MAST2: variants seen among roughly 807,000 people sequenced by gnomAD.
The protein encoded by MAST2 is microtubule associated serine/threonine kinase 2, also known as microtubule-associated serine/threonine-protein kinase 2.
A neutral mutation model predicts 147.4 loss-of-function variants in MAST2; 70 were observed. That is an observed-to-expected ratio of 0.47 (90% CI 0.39 to 0.58). The LOEUF (loss-of-function observed/expected upper bound fraction) is 0.58. Ranked by LOEUF, MAST2 falls within the 20% of genes least tolerant of loss-of-function variation. The probability of loss-of-function intolerance (pLI) is 0.00; values close to 1 mark genes in which losing one functional copy is unlikely to be tolerated. For missense variants in MAST2, 2,080 were observed against 2,302.3 expected, an observed-to-expected ratio of 0.90 and a Z score of 1.98; for synonymous variants, 869 against 896.8, an observed-to-expected ratio of 0.97 and a Z score of 0.55.
chr1:45,987,551 A>G (rs184920052), intron 5 of MAST2, among the ~76,000 whole-genome samples: 149 of 152,120 alleles, frequency 9.8e-4, no homozygotes, highest in Middle Eastern at 3.4e-3. Flanking sequence ...GATTCGAGCA[A>G]TCCTCTTGCC....
At chr1:45,929,045 G>T (rs1654862484) in intron 4 of MAST2, among the ~76,000 whole-genome samples, 1 of 152,124 alleles carries the variant, frequency 6.6e-6, no homozygotes, top group African/African-American at 2.4e-5. Context: ...AGTTGGTTCA[G>T]TGTATATCTG....
chr1:45,959,625 T>A (rs1660122085), intron 5 of MAST2, 148 bp downstream of exon 5: 1 of 652,842 alleles, frequency 1.5e-6, no homozygotes. Flanking sequence ...GGGCTTGCTT[T>A]CTGTACGAGA....
intron 4 of MAST2, among the ~76,000 whole-genome samples, chr1:45,954,896 T>TC (rs1393515236): frequency 2.6e-4 from 39 of 152,246 alleles, no homozygotes; most frequent in Non-Finnish European, 1.5e-5. Flanking sequence ...GAATTAATTA[T>TC]CCGTCCCTGA....
chr1:45,904,980 T>A (rs1251889210), intron 4 of MAST2, among the ~76,000 whole-genome samples: 1 of 151,754 alleles, frequency 6.6e-6, no homozygotes, highest in Non-Finnish European at 1.5e-5. Flanking sequence ...GCTAATTTTT[T>A]TTAACTTTAT....
intron 5 of MAST2, among the ~76,000 whole-genome samples, chr1:45,965,798 CCCCTG>C (rs1661107977): frequency 6.6e-6 from 1 of 151,768 alleles, no homozygotes; most frequent in African/African-American, 2.4e-5. Context: ...AACCATATAC[CCCCTG>C]CCCTCACCTA....
chr1:45,989,637 T>A (rs1644782967), intron 5 of MAST2, among the ~76,000 whole-genome samples: 1 of 152,192 alleles, frequency 6.6e-6, no homozygotes, highest in Non-Finnish European at 1.5e-5. Flanking sequence ...GGTTATAAAG[T>A]TCTGTATGTT....
At chr1:46,019,541 G>GT in intron 10 of MAST2, 55 bp from the exon 11 acceptor site, 1 of 1,452,690 alleles carries the variant, frequency 6.9e-7, no homozygotes, top group Non-Finnish European at 9.7e-7. Flanking sequence ...GTCTGGTCCT[G>GT]CTTAGCCCAG....
intron 4 of MAST2, among the ~76,000 whole-genome samples, chr1:45,886,184 G>A (rs534979801): frequency 6.7e-6 from 1 of 150,244 alleles, no homozygotes; most frequent in Admixed American, 6.7e-5. Flanking sequence ...ACAGGAGTCT[G>A]GAATGAGTGA....
intron 4 of MAST2, among the ~76,000 whole-genome samples, chr1:45,894,755 T>TA (rs1349005875): frequency 6.6e-6 from 1 of 152,172 alleles, no homozygotes; most frequent in Non-Finnish European, 1.5e-5. Flanking sequence ...GGAACAGACT[T>TA]ATGCTTTACT....
At chr1:45,831,153 A>G (rs1644945801) in intron 3 of MAST2, among the ~76,000 whole-genome samples, 1 of 151,816 alleles carries the variant, frequency 6.6e-6, no homozygotes, top group African/African-American at 2.4e-5. Flanking sequence ...TACAAATTAT[A>G]CCCTTTTATC....
Position 46,031,097 on chromosome 1 carries a change from C to T in MAST2, c.2799C>T (p.Leu933=). The T allele has an allele frequency of 6.2e-7, 1 of 1,612,830 alleles. No individual in the cohort carries two copies. Among genetic ancestry groups the T allele is most frequent in the Non-Finnish European group, 8.5e-7 (1 of 1,179,178 alleles). Residue 933 remains leucine, a synonymous_variant, in exon 23 of 29, where the codon CTC becomes CTT. Coordinates refer to ENST00000361297, the MANE Select transcript of MAST2 (RefSeq NM_015112.3). This position sits in a 1 kb window ranked among gnomAD's most constrained non-coding sequence, Gnocchi z 4.1. Reference sequence around the variant, plus strand: ...CAGTGCGACGCCGCTGCTCAGGCCTCCTGGATGCGCCTCGGTTCCCGGAGG... The same window carrying T: ...CAGTGCGACGCCGCTGCTCAGGCCTTCTGGATGCGCCTCGGTTCCCGGAGG... ...PMTVRRRCSG[L]LDAPRFPEGP...
At chr1:45,953,297 A>G (rs959245842) in intron 4 of MAST2, among the ~76,000 whole-genome samples, 2 of 152,102 alleles carry the variant, frequency 1.3e-5, no homozygotes, top group Non-Finnish European at 2.9e-5. Context: ...ACCTTAGAGC[A>G]AAGACTTTTC....
At chr1:45,855,874 C>G (rs531096393) in intron 3 of MAST2, among the ~76,000 whole-genome samples, 6 of 152,206 alleles carry the variant, frequency 3.9e-5, no homozygotes, top group Non-Finnish European at 8.8e-5. Context: ...TAATTAAACA[C>G]TGAATTTTTA....
At chr1:45,831,385 G>A (rs969380349) in intron 3 of MAST2, among the ~76,000 whole-genome samples, 6 of 152,170 alleles carry the variant, frequency 3.9e-5, no homozygotes, top group South Asian at 2.1e-4. Context: ...TGGGAGTAGC[G>A]GGGAGGATGT....
At position 46,023,729 on chromosome 1, in the gene MAST2, G is replaced by A; in HGVS notation, c.1572-43G>A. On this transcript the variant is annotated intron_variant, in intron 14 of 28. Coordinates refer to ENST00000361297, the MANE Select transcript of MAST2 (RefSeq NM_015112.3). The surrounding 1 kb of genome is among the most constrained non-coding windows in gnomAD (Gnocchi z 4.9). ...TTGGGTGGCAGAGAGCACAGCTCAG[G>A]TGCTGAGGGTCCATGGGGGATGGGC... 1 of 1,584,200 alleles carries A rather than the reference G, an allele frequency of 6.3e-7. No homozygotes were observed. Among genetic ancestry groups the A allele is most frequent in the Non-Finnish European group, 8.6e-7 (1 of 1,158,094 alleles).
intron 4 of MAST2, chr1:45,913,816 G>C (rs944009796): frequency 5.0e-6 from 6 of 1,192,874 alleles, no homozygotes; most frequent in Non-Finnish European, 5.3e-6. Context: ...GGCAAAACTT[G>C]AGTAGCCAGG....
At chr1:45,822,659 G>A (rs1055238765) in intron 1 of MAST2, among the ~76,000 whole-genome samples, 1 of 152,056 alleles carries the variant, frequency 6.6e-6, no homozygotes, top group South Asian at 2.1e-4. Context: ...TCTCCACATT[G>A]TCTTCATAGA....
intron 5 of MAST2, among the ~76,000 whole-genome samples, chr1:45,996,525 A>T (rs1314002704): frequency 6.6e-6 from 1 of 152,142 alleles, no homozygotes; most frequent in African/African-American, 2.4e-5. Flanking sequence ...GACACAGAGC[A>T]TGGAAAACCC....
Position 46,023,106 on chromosome 1 carries a change from C to T in MAST2, c.1486-127C>T. On this transcript the variant is annotated intron_variant, in intron 13 of 28. Coordinates refer to ENST00000361297, the MANE Select transcript of MAST2 (RefSeq NM_015112.3). This position sits in a 1 kb window ranked among gnomAD's most constrained non-coding sequence, Gnocchi z 4.9. The stretch of plus-strand genomic sequence containing the variant: ...CAGCAAACACTGAGAAGTCATTCTA[C>T]TCCCAGAAGAATGAGCAGGAGACTG... 8.4e-7 allele frequency: 1 copy of T among 1,191,696 alleles called. No homozygotes were observed. 73.8% of individuals were successfully genotyped at this position (1,191,696 alleles called of 1,614,324 possible).
Sources: gnomAD v4.1 joint callset for allele counts (sites outside exome capture counted in the v4.1 genomes callset) on GRCh38, gnomAD v4.1.1 for gene constraint, Gnocchi (gnomAD v3.1) non-coding constraint, MANE v1.5 for transcripts, NCBI Gene and HGNC (gene_info 2026-07-23, HGNC 2026-07-21) for gene names.